ZRANB3: variants seen among roughly 807,000 people sequenced by gnomAD.
ZRANB3 encodes the protein DNA annealing helicase and endonuclease ZRANB3.
A neutral mutation model predicts 133.8 loss-of-function variants in ZRANB3; 125 were observed. The observed-to-expected ratio is 0.93, with a 90% CI of 0.81 to 1.08. The LOEUF (loss-of-function observed/expected upper bound fraction) is 1.08, where lower values mean the gene tolerates loss of function less well. Among genes scored for constraint, ZRANB3 ranks in the 50% least tolerant of loss-of-function variants. The pLI, the probability that ZRANB3 is intolerant of heterozygous loss-of-function variation, is 0.00. For missense variants in ZRANB3, 1,229 were observed against 1,275.5 expected (o/e 0.96, Z 0.56); for synonymous variants, 387 against 432.7 (o/e 0.89, Z 1.31).
chr2:135,236,420 C>T (rs1466139924), intron 12 of ZRANB3, among the ~76,000 whole-genome samples: 1 of 152,034 alleles, frequency 6.6e-6, no homozygotes, highest in Non-Finnish European at 1.5e-5. Context: ...ACTTTCTTCA[C>T]AGAATTGGAA....
chr2:135,514,651 C>A (rs952812248), intron 1 of ZRANB3, among the ~76,000 whole-genome samples: 23 of 132,890 alleles, frequency 1.7e-4, no homozygotes, highest in African/African-American at 7.6e-4. Flanking sequence ...TGCTTGATTG[C>A]CCTGGCCAGA....
intron 2 of ZRANB3, among the ~76,000 whole-genome samples, chr2:135,417,766 G>C (rs1390196845): frequency 2.0e-5 from 3 of 152,174 alleles, no homozygotes; most frequent in African/African-American, 7.2e-5. Flanking sequence ...ATACACCATG[G>C]AATACTATGC....
chr2:135,323,719 A>C lies in ZRANB3; in HGVS notation c.678-8189T>G, dbSNP rs1683655223. 1.3e-5 allele frequency among the ~76,000 whole-genome samples: 2 copies of C among 152,126 alleles called. 1 individual carries two copies. The highest frequency in any genetic ancestry group is 4.1e-4 in the South Asian group (2 of 4,826). On this transcript the variant is annotated intron_variant, in intron 6 of 20. Coordinates refer to ENST00000264159, the MANE Select transcript of ZRANB3 (RefSeq NM_032143.4). ...AAAACTCTCAAATACTCAATAAACT[A>C]GAATTAGAAAGGGTCTTTCCTCACC...
chr2:135,496,744 A>G (rs1041211951), intron 2 of ZRANB3, among the ~76,000 whole-genome samples: 2 of 152,192 alleles, frequency 1.3e-5, no homozygotes, highest in African/African-American at 4.8e-5. Flanking sequence ...GAAAGGACTA[A>G]CTGTTCTCTG....
At chr2:135,474,071 G>A (rs1258109880) in intron 2 of ZRANB3, among the ~76,000 whole-genome samples, 1 of 151,948 alleles carries the variant, frequency 6.6e-6, no homozygotes, top group Non-Finnish European at 1.5e-5. Context: ...TGCGTCTCTA[G>A]TCTCAGCTAC....
chr2:135,518,034 T>C (rs1161874534), intron 1 of ZRANB3, among the ~76,000 whole-genome samples: 6 of 151,710 alleles, frequency 4.0e-5, no homozygotes, highest in Non-Finnish European at 2.9e-5. Context: ...CAGTTCGAAC[T>C]TCCCAGCAGC....
At chr2:135,477,493 C>T (rs1691556519) in intron 2 of ZRANB3, among the ~76,000 whole-genome samples, 1 of 152,178 alleles carries the variant, frequency 6.6e-6, no homozygotes, top group African/African-American at 2.4e-5. Context: ...TTCCTTACCT[C>T]CAAGGCCCAC....
intron 12 of ZRANB3, among the ~76,000 whole-genome samples, chr2:135,233,728 C>T (rs1573725224): frequency 1.3e-5 from 2 of 152,308 alleles, no homozygotes. Context: ...AAATCCTTTA[C>T]AGACAAGCAA....
intron 3 of ZRANB3, among the ~76,000 whole-genome samples, chr2:135,386,507 A>G (rs2104920088): frequency 6.6e-6 from 1 of 152,324 alleles, no homozygotes; most frequent in South Asian, 2.1e-4. Context: ...TACCCAAAGG[A>G]TTATAAATCA....
intron 3 of ZRANB3, among the ~76,000 whole-genome samples, chr2:135,379,685 G>A (rs527299224): frequency 1.1e-4 from 17 of 152,132 alleles, no homozygotes; most frequent in African/African-American, 2.9e-4. Context: ...AGAATCAACC[G>A]GTACCAGTCA....
chr2:135,467,369 C>T (rs536458422), intron 2 of ZRANB3, among the ~76,000 whole-genome samples: 53 of 152,200 alleles, frequency 3.5e-4, no homozygotes, highest in African/African-American at 1.2e-3. Context: ...CAGGTATATC[C>T]GGGATACTTA....
intron 2 of ZRANB3, among the ~76,000 whole-genome samples, chr2:135,445,567 G>A (rs963134434): frequency 2.0e-5 from 3 of 152,092 alleles, no homozygotes; most frequent in Admixed American, 1.3e-4. Flanking sequence ...GTACATAATA[G>A]GAGGCAATGG....
chr2:135,406,438 A>G, intron 2 of ZRANB3, among the ~76,000 whole-genome samples: 1 of 152,230 alleles, frequency 6.6e-6, no homozygotes, highest in Non-Finnish European at 1.5e-5. Context: ...TTCCATCAAT[A>G]GAAAAAGAGG....
intron 10 of ZRANB3, among the ~76,000 whole-genome samples, chr2:135,269,901 T>C (rs1231675607): frequency 6.6e-6 from 1 of 152,192 alleles, no homozygotes; most frequent in Non-Finnish European, 1.5e-5. Context: ...TAAACAGAAA[T>C]ATCTGCCTTT....
In ZRANB3 at chr2:135,520,028, G is replaced by A. The variant is rs149351691; in HGVS notation, c.-8+11099C>T. Among the ~76,000 whole-genome samples the A allele has an allele frequency of 1.6e-4, 25 of 152,162 alleles. No individual in the cohort carries two copies. The East Asian group carries it at 4.6e-3, about 28-fold the overall frequency. The stretch of plus-strand genomic sequence containing the variant: ...AGGAATTCTCTGTCTTCATCTTACC[G>A]GACCTATCAGTAATCACTCCCTCTT... On this transcript the variant is annotated intron_variant, in intron 1 of 20. Transcript: ENST00000264159.
chr2:135,405,680 T>A (rs1226420051), intron 2 of ZRANB3, among the ~76,000 whole-genome samples: 1 of 152,148 alleles, frequency 6.6e-6, no homozygotes, highest in African/African-American at 2.4e-5. Context: ...TCAAATCCGC[T>A]CAACTACATG....
intron 2 of ZRANB3, among the ~76,000 whole-genome samples, chr2:135,470,804 CT>C (rs1433904778): frequency 0.032 from 4,484 of 138,632 alleles, 165 homozygotes; most frequent in African/African-American, 0.11. Flanking sequence ...AAATTTCTTT[CT>C]TTTTTTTTTT....
intron 12 of ZRANB3, among the ~76,000 whole-genome samples, chr2:135,237,496 G>A (rs1352484574): frequency 4.0e-5 from 6 of 151,662 alleles, no homozygotes; most frequent in Admixed American, 1.3e-4. Flanking sequence ...GCACACGTAT[G>A]TTTATTGCGG....
chr2:135,268,832 C>G, intron 11 of ZRANB3, 130 bp downstream of exon 11: 1 of 863,864 alleles, frequency 1.2e-6, no homozygotes, highest in Non-Finnish European at 1.8e-6. Flanking sequence ...AACTTGGTCT[C>G]TATTATCATC....
Sources: allele counts gnomAD v4.1 joint callset (sites outside exome capture counted in the v4.1 genomes callset), GRCh38; gene constraint gnomAD v4.1.1; transcripts MANE v1.5; gene names NCBI Gene and HGNC (gene_info 2026-07-23, HGNC 2026-07-21).